Variants in RUNX1 observed in about 807,000 individuals in gnomAD.
RUNX1 encodes runt-related transcription factor 1.
A neutral mutation model predicts 42.8 loss-of-function variants in RUNX1; 19 were observed. The ratio of observed to expected loss-of-function variants is 0.44; its 90% CI spans 0.31 to 0.65. The LOEUF (loss-of-function observed/expected upper bound fraction) is 0.65, where lower values mean the gene tolerates loss of function less well. Ranked by LOEUF, RUNX1 falls within the 30% of genes least tolerant of loss-of-function variation. The pLI is 0.07. For missense variants in RUNX1, 528 were observed against 672.0 expected (o/e 0.79, Z 2.37); for synonymous variants, 271 against 289.4 (o/e 0.94, Z 0.64).
chr21:34,902,047 T>A (rs2058181577), intron 2 of RUNX1, among the ~76,000 whole-genome samples: 1 of 152,104 alleles, frequency 6.6e-6, no homozygotes. Context: ...CTAAGTTGAG[T>A]AAAAAAGAAA....
At chr21:34,973,468 T>C (rs1206650802) in intron 2 of RUNX1, among the ~76,000 whole-genome samples, 1 of 152,254 alleles carries the variant, frequency 6.6e-6, no homozygotes, top group Non-Finnish European at 1.5e-5. Context: ...AATTTTATGA[T>C]ACTATACATA....
chr21:34,984,498 T>C (rs1259812266), intron 2 of RUNX1, among the ~76,000 whole-genome samples: 1 of 152,138 alleles, frequency 6.6e-6, no homozygotes, highest in Non-Finnish European at 1.5e-5. Flanking sequence ...GGCTCTTTGG[T>C]GCGCTGTGGA....
chr21:35,031,290 G>T (rs1356713505), intron 2 of RUNX1, among the ~76,000 whole-genome samples: 1 of 152,352 alleles, frequency 6.6e-6, no homozygotes. Context: ...AGACGTTGCG[G>T]TGAGCCGAGA....
At chr21:34,874,838 TA>T (rs1279976724) in intron 5 of RUNX1, among the ~76,000 whole-genome samples, 1 of 152,130 alleles carries the variant, frequency 6.6e-6, no homozygotes, top group Non-Finnish European at 1.5e-5. Flanking sequence ...GATCACTGTT[TA>T]TGTCTATAAT....
At chr21:34,966,127 A>G (rs2058716693) in intron 2 of RUNX1, among the ~76,000 whole-genome samples, 1 of 152,230 alleles carries the variant, frequency 6.6e-6, no homozygotes, top group African/African-American at 2.4e-5. Flanking sequence ...TACATTAGAT[A>G]GAGCCCTGTT....
chr21:34,876,688 T>C (rs1487649386), intron 5 of RUNX1, among the ~76,000 whole-genome samples: 2 of 152,168 alleles, frequency 1.3e-5, no homozygotes, highest in Admixed American at 6.5e-5. Flanking sequence ...GTAGACCATC[T>C]TTCCTCCTGC....
chr21:34,930,824 GAAGTAGTTTCTC>G (rs2058438922), intron 2 of RUNX1, among the ~76,000 whole-genome samples: 1 of 152,006 alleles, frequency 6.6e-6, no homozygotes, highest in Non-Finnish European at 1.5e-5. Context: ...ACCATATATA[GAAGTAGTTTCTC>G]AATTGTAAGG....
chr21:35,029,647 C>T (rs2059259845), intron 2 of RUNX1, among the ~76,000 whole-genome samples: 1 of 152,236 alleles, frequency 6.6e-6, no homozygotes, highest in Non-Finnish European at 1.5e-5. Flanking sequence ...CACAGGCCTA[C>T]TGCTCTTCCT....
chr21:35,048,744 G>T, intron 2 of RUNX1, 98 bp downstream of exon 2: 1 of 975,182 alleles, frequency 1.0e-6, no homozygotes, highest in South Asian at 1.3e-5. Context: ...GGAACTGGCA[G>T]GCACCGAGGC....
chr21:34,860,889 A>T (rs1339254237), intron 5 of RUNX1, among the ~76,000 whole-genome samples: 1 of 152,196 alleles, frequency 6.6e-6, no homozygotes, highest in Non-Finnish European at 1.5e-5. Flanking sequence ...TCTCCACCGA[A>T]CACTCCCCAA....
rs1332206830 is a variant in RUNX1, at chr21:34,792,591, C to G, written c.987G>C (p.Ala329=). The change falls in exon 9 of 9, where the codon GCG becomes GCC. Residue 329 remains alanine, a synonymous_variant. Transcript: ENST00000675419. The surrounding 1 kb of genome is among the most constrained non-coding windows in gnomAD (Gnocchi z 6.9). ...SRLSTAPDLT[A]FSDPRQFPAL... ...CGGGGAACTGGCGCGGGTCGCTGAA[C>G]GCTGTCAGGTCGGGTGCCGCTGCAG... 11 of 1,597,834 alleles carry G rather than the reference C, an allele frequency of 6.9e-6. No individual in the cohort carries two copies. Among genetic ancestry groups the G allele is most frequent in the South Asian group, 4.5e-5 (4 of 88,430 alleles).
chr21:35,027,363 G>T lies in RUNX1; in HGVS notation c.58+21479C>A, dbSNP rs544560094. On this transcript the variant is annotated intron_variant, in intron 2 of 8. Transcript: ENST00000675419. ...GACGATGATTCAGCAGGTCTGGGCT[G>T]AGGCCTCAGATTCTGCACTTCTAAC... is the stretch of plus-strand genomic sequence containing the variant. Among the ~76,000 whole-genome samples the T allele has an allele frequency of 4.2e-4, 64 of 152,354 alleles. 1 individual carries two copies. The South Asian group carries it at 0.012, about 30-fold the overall frequency.
chr21:34,996,126 T>C (rs1351642390), intron 2 of RUNX1, among the ~76,000 whole-genome samples: 1 of 152,142 alleles, frequency 6.6e-6, no homozygotes, highest in Non-Finnish European at 1.5e-5. Context: ...GGGAGGACCA[T>C]GAGGCTATTG....
At chr21:34,808,565 C>T (rs2056715333) in intron 7 of RUNX1, among the ~76,000 whole-genome samples, 1 of 152,224 alleles carries the variant, frequency 6.6e-6, no homozygotes, top group Non-Finnish European at 1.5e-5. Flanking sequence ...CTTTTCAAAC[C>T]TCTGTTTCCT....
intron 2 of RUNX1, among the ~76,000 whole-genome samples, chr21:34,945,093 T>C (rs1440181373): frequency 6.6e-6 from 1 of 152,238 alleles, no homozygotes; most frequent in Non-Finnish European, 1.5e-5. Flanking sequence ...TATCAAGATG[T>C]ATAATTTGCC....
intron 7 of RUNX1, chr21:34,832,987 T>TTCCAA (rs913209852): frequency 6.6e-6 from 1 of 152,216 alleles, no homozygotes; most frequent in African/African-American, 2.4e-5. Flanking sequence ...TTTGGAAATT[T>TTCCAA]TCCAATCAAG....
chr21:34,835,643 A>T (rs1187795320), intron 6 of RUNX1, among the ~76,000 whole-genome samples: 1 of 152,154 alleles, frequency 6.6e-6, no homozygotes, highest in Non-Finnish European at 1.5e-5. Context: ...GGCCTGGGCC[A>T]TTCATTTCTC....
chr21:34,970,168 G>A (rs2058752820), intron 2 of RUNX1, among the ~76,000 whole-genome samples: 1 of 152,192 alleles, frequency 6.6e-6, no homozygotes, highest in Non-Finnish European at 1.5e-5. Context: ...AAATGAAATA[G>A]ATGCTTTAGA....
At chr21:34,795,191 G>C (rs986734996) in intron 8 of RUNX1, among the ~76,000 whole-genome samples, 10 of 152,238 alleles carry the variant, frequency 6.6e-5, no homozygotes, top group African/African-American at 2.4e-4. Context: ...CAGGCTGATA[G>C]AGAAAGTCGA....
Sources: allele counts gnomAD v4.1 joint callset (sites outside exome capture counted in the v4.1 genomes callset), GRCh38; gene constraint gnomAD v4.1.1; non-coding constraint Gnocchi (gnomAD v3.1); transcripts MANE v1.5; gene names NCBI Gene and HGNC (gene_info 2026-07-23, HGNC 2026-07-21).